The following SCAMP4 variants were observed in gnomAD, a reference collection of about 807,000 sequenced individuals.
SCAMP4 encodes the protein secretory carrier membrane protein 4.
A neutral mutation model predicts 32.1 loss-of-function variants in SCAMP4; 19 were observed. The ratio of observed to expected loss-of-function variants is 0.59; its 90% confidence interval spans 0.41 to 0.87. The LOEUF is 0.87. Among genes scored for constraint, SCAMP4 ranks in the 40% least tolerant of loss-of-function variants. The pLI is 0.00. For synonymous variants in SCAMP4, 152 were observed against 132.7 expected, an observed-to-expected ratio of 1.15 and a Z score of -1.00; for missense variants, 302 against 309.0, an observed-to-expected ratio of 0.98 and a Z score of 0.17.
intron 4 of SCAMP4, chr19:1,918,667 C>G: frequency 1.5e-6 from 1 of 664,934 alleles, no homozygotes; most frequent in Non-Finnish European, 2.4e-6. Flanking sequence ...GAGGCTGAGG[C>G]AAGAGAATCG....
intron 1 of SCAMP4, chr19:1,912,174 C>T: frequency 6.3e-7 from 1 of 1,577,150 alleles, no homozygotes; most frequent in Non-Finnish European, 8.6e-7. Context: ...GGCGCCGTGG[C>T]AGGCCCTCCC....
chr19:1,918,694 A>G (rs1349248910), intron 4 of SCAMP4, 195 bp from the exon 5 acceptor site: 2 of 806,024 alleles, frequency 2.5e-6, no homozygotes, highest in South Asian at 1.9e-5. Flanking sequence ...CCCGGGAGGC[A>G]GAGGTTGCAG....
intron 5 of SCAMP4, chr19:1,921,049 G>C: frequency 2.0e-6 from 2 of 985,452 alleles, no homozygotes; most frequent in Non-Finnish European, 2.4e-6. Flanking sequence ...GGTCTTAGGA[G>C]AGCCCGGCCC....
intron 1 of SCAMP4, chr19:1,913,107 G>T: frequency 6.3e-7 from 1 of 1,593,610 alleles, no homozygotes. Flanking sequence ...GGTGTTCCGC[G>T]GGGTGCTGGA....
In SCAMP4 at chr19:1,924,379, T is replaced by C; in HGVS notation, c.*95T>C. The C allele has an allele frequency of 2.6e-6, 3 of 1,156,008 alleles. No homozygotes were observed. The highest frequency in any genetic ancestry group is 3.7e-6 in the Non-Finnish European group (3 of 818,658). 71.6% of individuals were successfully genotyped at this position (1,156,008 alleles called of 1,614,324 possible). On this transcript the variant is annotated 3_prime_UTR_variant, in exon 7 of 7. Transcript: ENST00000316097. The stretch of plus-strand genomic sequence containing the variant: ...AGGGCTGGGAGTACCTGGGGCCCCA[T>C]CCCCCCAGCTGGGATGGTGGAAGCC...
chr19:1,912,706 C>A, intron 1 of SCAMP4: 1 of 1,503,194 alleles, frequency 6.7e-7, no homozygotes, highest in Non-Finnish European at 8.8e-7. Flanking sequence ...GACCCGGCCT[C>A]GGACCGCGTG....
intron 1 of SCAMP4, among the ~76,000 whole-genome samples, chr19:1,910,292 CG>C (rs1331930764): frequency 6.6e-6 from 1 of 152,190 alleles, no homozygotes; most frequent in Non-Finnish European, 1.5e-5. Flanking sequence ...AGCTTGCGGC[CG>C]GGGGACCAAG....
chr19:1,912,596 G>A (rs1216991983), intron 1 of SCAMP4: 9 of 1,489,130 alleles, frequency 6.0e-6, no homozygotes, highest in African/African-American at 1.5e-5. Flanking sequence ...TCTTCTCCAC[G>A]CAGGAGCGCG....
Position 1,924,308 on chromosome 19 carries a change from G to A in SCAMP4, c.*24G>A, listed in dbSNP as rs370175173. ...AGAGGGAGCCTGCCCTGCCCCCACC[G>A]CCCACCACCTCCTCCCCTTCATTCC... On this transcript the variant is annotated 3_prime_UTR_variant, in exon 7 of 7. Coordinates refer to ENST00000316097, the MANE Select transcript of SCAMP4 (RefSeq NM_079834.4). 1.7e-4 allele frequency: 257 copies of A among 1,553,504 alleles called. No individual in the cohort carries two copies. The highest frequency in any genetic ancestry group is 2.0e-4 in the Non-Finnish European group (235 of 1,148,646).
At chr19:1,910,030 C>T (rs1003453938) in intron 1 of SCAMP4, among the ~76,000 whole-genome samples, 1 of 152,208 alleles carries the variant, frequency 6.6e-6, no homozygotes, top group Admixed American at 6.5e-5. Context: ...TGGGAGGGGG[C>T]CCCGTGTCCC....
At position 1,913,650 on chromosome 19, in the gene SCAMP4, G is replaced by A. The variant is rs1293078966; in HGVS notation, c.-41-1329G>A. On this transcript the variant is annotated intron_variant, in intron 1 of 6. Transcript: ENST00000316097. ...AGTCCTGATGGTTCCAGGCGTGCCT[G>A]GCCCAAGTGTGTGGACACTAGGCGT... 2.0e-5 allele frequency among the ~76,000 whole-genome samples: 3 copies of A among 152,292 alleles called. No individual in the cohort carries two copies. In the East Asian group the frequency reaches 5.8e-4, roughly 29 times the overall value.
At position 1,908,923 on chromosome 19, in the gene SCAMP4, G is replaced by A. The variant is rs2013284479; in HGVS notation, c.-42+3484G>A. ...GTTCCAAGACCAGCCTGGCCAACAT[G>A]GTGGAACCCCGTCTCTACTGAAAAT... On this transcript the variant is annotated intron_variant, in intron 1 of 6. Transcript: ENST00000316097. This position sits in a 1 kb window ranked among gnomAD's most constrained non-coding sequence, Gnocchi z 4.2. 6.6e-6 allele frequency among the ~76,000 whole-genome samples: 1 copy of A among 152,040 alleles called. No homozygotes were observed. Among genetic ancestry groups the A allele is most frequent in the African/African-American group, 2.4e-5 (1 of 41,374 alleles).
intron 1 of SCAMP4, chr19:1,912,109 CG>C: frequency 6.6e-7 from 1 of 1,521,050 alleles, no homozygotes; most frequent in Non-Finnish European, 8.8e-7. Context: ...GAGCCCGCCC[CG>C]GGCCTCGTGG....
chr19:1,914,012 T>C (rs2013638962), intron 1 of SCAMP4, among the ~76,000 whole-genome samples: 1 of 151,994 alleles, frequency 6.6e-6, no homozygotes, highest in Non-Finnish European at 1.5e-5. Context: ...GGGGAGTCCG[T>C]GCCTGGGGGT....
chr19:1,925,596 C>T lies in SCAMP4; in HGVS notation c.*1312C>T. ...TTCATCATTTCCTGCACTCGCTGACCACAACTTTGGACACCCCAGGCTGCC... is the reference window on the plus strand; with the variant it reads ...TTCATCATTTCCTGCACTCGCTGACTACAACTTTGGACACCCCAGGCTGCC... On this transcript the variant is annotated 3_prime_UTR_variant, in exon 7 of 7. Coordinates refer to ENST00000316097, the MANE Select transcript of SCAMP4 (RefSeq NM_079834.4). The T allele has an allele frequency of 6.5e-6, 1 of 153,024 alleles. No individual in the cohort carries two copies. 9.5% of individuals were successfully genotyped at this position (153,024 alleles called of 1,614,324 possible). A position where few individuals can be genotyped will look rare whatever the true frequency, so the allele number is the denominator to read the frequency against.
chr19:1,923,700 G>A (rs1013528857), intron 6 of SCAMP4, among the ~76,000 whole-genome samples: 1 of 136,300 alleles, frequency 7.3e-6, no homozygotes, highest in African/African-American at 2.7e-5. Context: ...CTCACTGCAA[G>A]CTCCGCCTCT....
chr19:1,920,956 C>T, intron 5 of SCAMP4: 1 of 985,388 alleles, frequency 1.0e-6, no homozygotes, highest in Non-Finnish European at 1.2e-6. Context: ...GGGTCATCTC[C>T]CGCAGGTCAC....
chr19:1,922,265 G>GT (rs900961027), intron 5 of SCAMP4: 33 of 985,098 alleles, frequency 3.3e-5, no homozygotes, highest in Non-Finnish European at 3.9e-5. Context: ...GCTTTCCCTC[G>GT]TTTTTTTATT....
intron 1 of SCAMP4, among the ~76,000 whole-genome samples, chr19:1,909,097 T>A (rs1450527793): frequency 3.5e-5 from 5 of 144,018 alleles, no homozygotes; most frequent in Non-Finnish European, 7.5e-5. Context: ...AGAGTGAGAC[T>A]CTGTCTGAAA....
Sources: allele counts gnomAD v4.1 joint callset (sites outside exome capture counted in the v4.1 genomes callset), GRCh38; gene constraint gnomAD v4.1.1; non-coding constraint Gnocchi (gnomAD v3.1); transcripts MANE v1.5; gene names NCBI Gene and HGNC (gene_info 2026-07-23, HGNC 2026-07-21).